Variants in RELN observed in about 807,000 individuals in gnomAD.
RELN encodes reelin.
RELN carries 108 observed loss-of-function variants against 427.6 expected under a neutral mutation model. That is an observed-to-expected ratio of 0.25 (90% CI 0.22 to 0.30). The LOEUF (loss-of-function observed/expected upper bound fraction) is 0.30, where lower values mean the gene tolerates loss of function less well. RELN is among the 10% of genes least tolerant of loss of function. RELN has a pLI of 1.00. For synonymous variants in RELN, 1,524 were observed against 1,513.4 expected (o/e 1.01, Z -0.16); for missense variants, 3,715 against 4,302.8 (o/e 0.86, Z 3.82).
chr7:103,492,264 T>A (rs1348920042), intron 57 of RELN, among the ~76,000 whole-genome samples: 3 of 152,158 alleles, frequency 2.0e-5, no homozygotes, highest in Non-Finnish European at 4.4e-5. Context: ...TAAATTAGTA[T>A]AATAAAAAAT....
intron 1 of RELN, among the ~76,000 whole-genome samples, chr7:103,981,780 A>G (rs1256978193): frequency 1.3e-5 from 2 of 152,244 alleles, no homozygotes; most frequent in Admixed American, 6.5e-5. Context: ...TGGTTGTATC[A>G]TCTCCGAGCT....
chr7:103,700,770 G>T lies in RELN; in HGVS notation c.902+140C>A, dbSNP rs541144255. On this transcript the variant is annotated intron_variant, in intron 9 of 64. Coordinates refer to ENST00000428762, the MANE Select transcript of RELN (RefSeq NM_005045.4). The stretch of plus-strand genomic sequence containing the variant: ...CCGAGCAGGGCTGGTCATAATATGT[G>T]CATCCATAGAATTCAACATAATTAA... The T allele has an allele frequency of 2.2e-5, 15 of 689,254 alleles. No homozygotes were observed. In the South Asian group the frequency reaches 2.3e-4, roughly 10 times the overall value. The allele number at this position is 689,254 out of a possible 1,614,324, so 42.7% of individuals were successfully genotyped here.
At chr7:103,839,274 C>G (rs960008111) in intron 2 of RELN, among the ~76,000 whole-genome samples, 1 of 148,654 alleles carries the variant, frequency 6.7e-6, no homozygotes, top group South Asian at 2.1e-4. Flanking sequence ...TATGCAACTT[C>G]AAACACTATG....
chr7:103,532,694 T>C (rs578189668), intron 46 of RELN, among the ~76,000 whole-genome samples: 7 of 152,300 alleles, frequency 4.6e-5, no homozygotes, highest in African/African-American at 1.7e-4. Context: ...TTGGCTGCTA[T>C]CCTTGCTTGG....
In RELN at chr7:103,989,388, C is replaced by T; in HGVS notation, c.-32G>A. On this transcript the variant is annotated 5_prime_UTR_variant, in exon 1 of 65. Transcript: ENST00000428762. This position sits in a 1 kb window ranked among gnomAD's most constrained non-coding sequence, Gnocchi z 4.9. ...GCCGCCGCCGCCGCCGCCGCGCGCC[C>T]TACGCGCCGCTCGCTCATTCAGTTT... The T allele has an allele frequency of 7.0e-7, 1 of 1,426,362 alleles. No individual in the cohort carries two copies. Among genetic ancestry groups the T allele is most frequent in the Non-Finnish European group, 9.1e-7 (1 of 1,101,298 alleles). 88.4% of individuals were successfully genotyped at this position (1,426,362 alleles called of 1,614,324 possible).
At chr7:103,887,891 C>T (rs1204367107) in intron 2 of RELN, among the ~76,000 whole-genome samples, 2 of 152,094 alleles carry the variant, frequency 1.3e-5, no homozygotes, top group Non-Finnish European at 2.9e-5. Context: ...AGAACATGCT[C>T]ATCTCTCATT....
At chr7:103,653,666 C>T (rs1832968417) in intron 13 of RELN, among the ~76,000 whole-genome samples, 4 of 152,026 alleles carry the variant, frequency 2.6e-5, no homozygotes, top group South Asian at 2.1e-4. Context: ...CAACCTCAAT[C>T]GGTAGCTCTA....
At chr7:103,864,131 T>C (rs7809688) in intron 2 of RELN, among the ~76,000 whole-genome samples, 21,893 of 152,124 alleles carry the variant, frequency 0.14, 1,877 homozygotes, top group East Asian at 0.34. Flanking sequence ...TCATTTACTT[T>C]TTACTCTTCT....
chr7:103,484,965 A>G (rs1349286043), intron 61 of RELN, among the ~76,000 whole-genome samples: 1 of 152,140 alleles, frequency 6.6e-6, no homozygotes, highest in African/African-American at 2.4e-5. Flanking sequence ...TCAACATGAC[A>G]TTTTGCTTTT....
intron 16 of RELN, among the ~76,000 whole-genome samples, chr7:103,647,622 C>T (rs1832823911): frequency 6.6e-6 from 1 of 151,384 alleles, no homozygotes; most frequent in Non-Finnish European, 1.5e-5. Context: ...AAAATGATCA[C>T]ACTGCCCAAA....
chr7:103,539,739 T>G (rs1366432187), intron 44 of RELN, among the ~76,000 whole-genome samples: 1 of 152,242 alleles, frequency 6.6e-6, no homozygotes, highest in Non-Finnish European at 1.5e-5. Flanking sequence ...TTCTTTGAGT[T>G]CTATTTGATA....
intron 2 of RELN, among the ~76,000 whole-genome samples, chr7:103,854,937 G>T (rs1793908304): frequency 6.6e-6 from 1 of 152,208 alleles, no homozygotes; most frequent in South Asian, 2.1e-4. Flanking sequence ...TTTCATAAAA[G>T]AAGTATGAAT....
intron 51 of RELN, among the ~76,000 whole-genome samples, chr7:103,504,240 T>C (rs1185430812): frequency 6.6e-6 from 1 of 152,146 alleles, no homozygotes; most frequent in East Asian, 1.9e-4. Flanking sequence ...ATTTCTAAGT[T>C]ATAGTTAGTA....
intron 18 of RELN, among the ~76,000 whole-genome samples, 174 bp downstream of exon 18, chr7:103,636,061 C>A (rs1450667256): frequency 6.6e-6 from 1 of 152,162 alleles, no homozygotes; most frequent in Non-Finnish European, 1.5e-5. Context: ...GGTGAGCCTC[C>A]TAATTTACTA....
intron 4 of RELN, among the ~76,000 whole-genome samples, chr7:103,766,932 C>G (rs988333105): frequency 2.0e-5 from 3 of 152,160 alleles, no homozygotes; most frequent in African/African-American, 7.2e-5. Context: ...ACAGAGAATT[C>G]CAGGGTGGTT....
rs545863263 is a variant in RELN at position 103,743,878 on chromosome 7, C to T, written c.656+5548G>A. On this transcript the variant is annotated intron_variant, in intron 6 of 64. Coordinates refer to ENST00000428762, the MANE Select transcript of RELN (RefSeq NM_005045.4). Reference sequence around the variant, plus strand: ...ACAAGACAGAAAGTTAACAAGGATACCCAGGAATTGAATTCAGCTATGCAC... The same window carrying T: ...ACAAGACAGAAAGTTAACAAGGATATCCAGGAATTGAATTCAGCTATGCAC... 3.1e-3 allele frequency among the ~76,000 whole-genome samples: 466 copies of T among 152,126 alleles called. 4 individuals are homozygous for T. The highest frequency in any genetic ancestry group is 0.011 in the African/African-American group (446 of 41,498).
Position 103,704,089 on chromosome 7 carries a change from T to G in RELN, c.806-3083A>C, listed in dbSNP as rs183701059. ...CCCCAGTTTGGGAGAAGAAATGATG[T>G]TTTTTGTGAAAGGTAGTTGGTTCCA... On this transcript the variant is annotated intron_variant, in intron 8 of 64. Coordinates refer to ENST00000428762, the MANE Select transcript of RELN (RefSeq NM_005045.4). 4.3e-3 allele frequency among the ~76,000 whole-genome samples: 661 copies of G among 152,284 alleles called. 18 individuals carry two copies. Among genetic ancestry groups the G allele is most frequent in the Non-Finnish European group, 1.6e-3 (108 of 68,026 alleles).
At position 103,968,132 on chromosome 7, in the gene RELN, G is replaced by A. The variant is rs1796694410; in HGVS notation, c.226+20999C>T. Among the ~76,000 whole-genome samples the A allele has an allele frequency of 6.6e-6, 1 of 151,662 alleles. No individual in the cohort carries two copies. The highest frequency in any genetic ancestry group is 2.4e-5 in the African/African-American group (1 of 41,330). ...CAACTTGTATTTCATTGATCAAACAGAATACTTTCTACAAAGTAGGCCCTC... is the reference window on the plus strand; with the variant it reads ...CAACTTGTATTTCATTGATCAAACAAAATACTTTCTACAAAGTAGGCCCTC... On this transcript the variant is annotated intron_variant, in intron 1 of 64. Transcript: ENST00000428762. The surrounding 1 kb of genome is among the most constrained non-coding windows in gnomAD (Gnocchi z 4.3).
At chr7:103,570,963 A>G (rs572411782) in intron 31 of RELN, among the ~76,000 whole-genome samples, 22 of 152,346 alleles carry the variant, frequency 1.4e-4, no homozygotes, top group African/African-American at 5.1e-4. Flanking sequence ...ACAGATTCTT[A>G]ATAAATATTT....
Sources: allele counts gnomAD v4.1 joint callset (sites outside exome capture counted in the v4.1 genomes callset), GRCh38; gene constraint gnomAD v4.1.1; non-coding constraint Gnocchi (gnomAD v3.1); transcripts MANE v1.5; gene names NCBI Gene and HGNC (gene_info 2026-07-23, HGNC 2026-07-21).